The following XKR9 variants were observed in gnomAD, a reference collection of about 807,000 sequenced individuals.
The protein encoded by XKR9 is XK-related protein 9.
Under a neutral mutation model 32.0 loss-of-function variants are expected in XKR9, and 32 were observed. That is an observed-to-expected ratio of 1.00 (90% CI 0.76 to 1.34). XKR9 has a LOEUF of 1.34. XKR9 is among the 40% of genes most tolerant of loss of function. The pLI is 0.00. For missense variants in XKR9, 546 were observed against 429.7 expected, an observed-to-expected ratio of 1.27 and a Z score of -2.39; for synonymous variants, 168 against 143.4, an observed-to-expected ratio of 1.17 and a Z score of -1.22.
the XKR9 span, among the ~76,000 whole-genome samples, chr8:70,991,997 G>A: frequency 4.6e-5 from 7 of 152,168 alleles, no homozygotes; most frequent in Non-Finnish European, 7.4e-5. Context: ...GTCAAAGCCT[G>A]TAATATTAAT....
intron 4 of XKR9, among the ~76,000 whole-genome samples, chr8:70,722,241 T>G (rs1040003333): frequency 3.3e-5 from 5 of 152,132 alleles, no homozygotes; most frequent in Admixed American, 1.3e-4. Flanking sequence ...GGGTCTTGAC[T>G]TTTTATCCAA....
intron 3 of XKR9, among the ~76,000 whole-genome samples, chr8:70,687,322 C>CTTTCTTTCTT (rs1489679738): frequency 9.9e-6 from 1 of 100,786 alleles, no homozygotes; most frequent in African/African-American, 4.3e-5. Context: ...CTCTTTCTTT[C>CTTTCTTTCTT]TTTCTTTCTT....
the XKR9 span, among the ~76,000 whole-genome samples, chr8:70,803,928 G>A: frequency 5.2e-3 from 787 of 152,284 alleles, 6 homozygotes; most frequent in African/African-American, 0.018. Flanking sequence ...AAAAGGTGTT[G>A]CCCTCCTGGC....
chr8:71,039,523 CTCTTGTAAA>C, the XKR9 span, among the ~76,000 whole-genome samples: 1 of 152,100 alleles, frequency 6.6e-6, no homozygotes, highest in Non-Finnish European at 1.5e-5. Flanking sequence ...TACTTTCGCA[CTCTTGTAAA>C]GTAAAAAAAT....
At chr8:70,924,120 G>T in the XKR9 span, among the ~76,000 whole-genome samples, 1 of 152,182 alleles carries the variant, frequency 6.6e-6, no homozygotes, top group Non-Finnish European at 1.5e-5. Context: ...TTCTGAATAT[G>T]TAACAACCAA....
intron 2 of XKR9, among the ~76,000 whole-genome samples, chr8:70,780,661 G>A (rs919950006): frequency 6.6e-6 from 1 of 152,078 alleles, no homozygotes; most frequent in Non-Finnish European, 1.5e-5. Flanking sequence ...TGGGCTTCTA[G>A]CCTCCAGAAC....
the XKR9 span, among the ~76,000 whole-genome samples, chr8:70,991,765 T>C: frequency 6.6e-6 from 1 of 152,250 alleles, no homozygotes. Context: ...GCTATACAGT[T>C]AATTTAAATA....
At chr8:70,853,668 C>T in the XKR9 span, among the ~76,000 whole-genome samples, 1 of 151,978 alleles carries the variant, frequency 6.6e-6, no homozygotes, top group South Asian at 2.1e-4. Context: ...TAATGCTATC[C>T]CTCCCTCACT....
At position 70,735,123 on chromosome 8, in the gene XKR9, T is replaced by A. The variant is rs1326815316; in HGVS notation, c.*699T>A. The A allele has an allele frequency of 2.6e-5, 4 of 152,074 alleles. No homozygotes were observed. Among genetic ancestry groups the A allele is most frequent in the African/African-American group, 9.7e-5 (4 of 41,444 alleles). 9.4% of individuals were successfully genotyped at this position (152,074 alleles called of 1,614,324 possible). A position where few individuals can be genotyped will look rare whatever the true frequency, so the allele number is the denominator to read the frequency against. On this transcript the variant is annotated 3_prime_UTR_variant, in exon 5 of 5. Coordinates refer to ENST00000408926, the MANE Select transcript of XKR9 (RefSeq NM_001011720.2). ...TTTAAAAAATTATGGTAAAAACATA[T>A]AAAATTTACCATCTTAATCACTTTG...
chr8:71,042,124 C>T, the XKR9 span, among the ~76,000 whole-genome samples: 1 of 152,112 alleles, frequency 6.6e-6, no homozygotes, highest in Non-Finnish European at 1.5e-5. Flanking sequence ...CTTGCTTGTC[C>T]AGATGATGCT....
chr8:70,991,204 C>T, the XKR9 span, among the ~76,000 whole-genome samples: 2 of 152,100 alleles, frequency 1.3e-5, no homozygotes, highest in South Asian at 4.1e-4. Context: ...ATAATCCCTG[C>T]ATGTTGTGTA....
chr8:70,963,084 AC>A, the XKR9 span, among the ~76,000 whole-genome samples: 6 of 151,952 alleles, frequency 3.9e-5, no homozygotes, highest in African/African-American at 1.2e-4. Flanking sequence ...CAGGTATTAA[AC>A]CCTTAACTAT....
chr8:70,889,993 A>G, the XKR9 span, among the ~76,000 whole-genome samples: 3 of 152,040 alleles, frequency 2.0e-5, no homozygotes, highest in African/African-American at 7.2e-5. Flanking sequence ...TGAGGAATCT[A>G]CAAACTGCTT....
chr8:70,757,207 C>A (rs58293390), intron 2 of XKR9, among the ~76,000 whole-genome samples: 6 of 151,784 alleles, frequency 4.0e-5, no homozygotes, highest in Non-Finnish European at 8.8e-5. Context: ...TATGAATTTT[C>A]TCATTTCTCC....
At chr8:71,039,951 G>A in the XKR9 span, among the ~76,000 whole-genome samples, 1 of 152,096 alleles carries the variant, frequency 6.6e-6, no homozygotes, top group Admixed American at 6.6e-5. Context: ...ATCATTGATT[G>A]TTTTGTAATG....
chr8:70,983,785 A>ATAAT, the XKR9 span, among the ~76,000 whole-genome samples: 1 of 121,566 alleles, frequency 8.2e-6, no homozygotes, highest in Non-Finnish European at 1.8e-5. Flanking sequence ...TCATCTCAAA[A>ATAAT]TAAATAAATA....
At chr8:71,050,415 T>C in the XKR9 span, among the ~76,000 whole-genome samples, 5 of 151,896 alleles carry the variant, frequency 3.3e-5, no homozygotes, top group African/African-American at 1.2e-4. Flanking sequence ...AATAAAATCA[T>C]ATATGAGGAA....
At chr8:71,009,705 C>T in the XKR9 span, among the ~76,000 whole-genome samples, 2 of 152,174 alleles carry the variant, frequency 1.3e-5, no homozygotes, top group Non-Finnish European at 2.9e-5. Flanking sequence ...CTCATGGTGA[C>T]TCTGGCTCAT....
intron 4 of XKR9, among the ~76,000 whole-genome samples, chr8:70,725,393 G>A (rs1039916869): frequency 2.0e-4 from 30 of 151,880 alleles, no homozygotes; most frequent in Non-Finnish European, 4.1e-4. Context: ...TTCCAAATAG[G>A]AAATCAATAA....
Sources: gnomAD v4.1 joint callset for allele counts (sites outside exome capture counted in the v4.1 genomes callset) on GRCh38, gnomAD v4.1.1 for gene constraint, MANE v1.5 for transcripts, NCBI Gene and HGNC (gene_info 2026-07-23, HGNC 2026-07-21) for gene names.